TMC7: variants seen among roughly 807,000 people sequenced by gnomAD.
The protein encoded by TMC7 is transmembrane channel-like protein 7.
TMC7 carries 54 observed loss-of-function variants against 82.9 expected under a neutral mutation model. That is an observed-to-expected ratio of 0.65 (90% CI 0.52 to 0.82). The LOEUF (loss-of-function observed/expected upper bound fraction) is 0.82. Among genes scored for constraint, TMC7 ranks in the 40% least tolerant of loss-of-function variants. The probability of loss-of-function intolerance (pLI) is 0.00; values close to 1 mark genes in which losing one functional copy is unlikely to be tolerated. For missense variants in TMC7, 820 were observed against 901.2 expected (o/e 0.91, Z 1.15); for synonymous variants, 350 against 337.9 (o/e 1.04, Z -0.39).
At chr16:19,051,647 C>G (rs200310016) in intron 12 of TMC7, 39 bp from the exon 13 acceptor site, 1 of 1,610,456 alleles carries the variant, frequency 6.2e-7, no homozygotes, top group Non-Finnish European at 8.5e-7. Context: ...AGAAGCTGTA[C>G]TTATTGATCT....
chr16:19,009,107 C>G, intron 1 of TMC7, 65 bp from the exon 2 acceptor site: 1 of 1,562,074 alleles, frequency 6.4e-7, no homozygotes, highest in Non-Finnish European at 8.7e-7. Context: ...TGTCCAAGAT[C>G]CAAGTTTCCT....
At chr16:19,021,879 T>G in intron 4 of TMC7, 83 bp downstream of exon 4, 1 of 1,480,462 alleles carries the variant, frequency 6.8e-7, no homozygotes, top group South Asian at 1.3e-5. Context: ...GCTAAGAATC[T>G]TTATTCTAAT....
At chr16:19,056,478 A>G in intron 13 of TMC7, 64 bp from the exon 14 acceptor site, 1 of 1,549,840 alleles carries the variant, frequency 6.5e-7, no homozygotes, top group Non-Finnish European at 8.7e-7. Context: ...CTGGGTGTAC[A>G]GGGGCGGGAC....
intron 9 of TMC7, among the ~76,000 whole-genome samples, chr16:19,041,572 A>ATG (rs894807036): frequency 7.2e-5 from 11 of 152,066 alleles, no homozygotes; most frequent in African/African-American, 2.7e-4. Context: ...GGGTTTCACC[A>ATG]TGTTGGCCAG....
chr16:19,009,512 T>G, intron 2 of TMC7, 97 bp downstream of exon 2: 2 of 1,445,714 alleles, frequency 1.4e-6, no homozygotes, highest in Non-Finnish European at 1.8e-6. Context: ...CTCATATAAT[T>G]AAAATTTTAT....
In TMC7 at chr16:19,050,154, G is replaced by A. The variant is rs547095214; in HGVS notation, c.1741-1532G>A. 2.6e-5 allele frequency among the ~76,000 whole-genome samples: 4 copies of A among 151,908 alleles called. No individual in the cohort carries two copies. In the East Asian group the frequency reaches 7.8e-4, roughly 30 times the overall value. On this transcript the variant is annotated intron_variant, in intron 12 of 15. Coordinates refer to ENST00000304381, the MANE Select transcript of TMC7 (RefSeq NM_024847.4). ...TGGGAGGCCGAGGCCGGTGGATCAC[G>A]AGGTCAGGAGATCGAGACCATCCTG...
chr16:19,051,922 T>A (rs932002104), intron 13 of TMC7, 106 bp downstream of exon 13: 63 of 1,434,350 alleles, frequency 4.4e-5, no homozygotes, highest in Non-Finnish European at 5.5e-5. Flanking sequence ...TGAGATGGAG[T>A]CTTGCTCTGT....
chr16:18,996,326 T>C (rs768031085), intron 1 of TMC7, among the ~76,000 whole-genome samples: 3 of 152,064 alleles, frequency 2.0e-5, no homozygotes, highest in African/African-American at 7.2e-5. Flanking sequence ...ACAAGTCGCA[T>C]TGGGAGCAGA....
intron 14 of TMC7, among the ~76,000 whole-genome samples, chr16:19,058,001 G>T (rs1246330919): frequency 6.7e-6 from 1 of 149,810 alleles, no homozygotes; most frequent in African/African-American, 2.5e-5. Context: ...GGTGGGTCTT[G>T]AGCTTAAGTG....
At chr16:18,997,106 G>A (rs1337434177) in intron 1 of TMC7, among the ~76,000 whole-genome samples, 2 of 152,248 alleles carry the variant, frequency 1.3e-5, no homozygotes, top group East Asian at 3.8e-4. Flanking sequence ...CTGAGGACCC[G>A]AGGTCATAGG....
intron 1 of TMC7, among the ~76,000 whole-genome samples, chr16:18,992,059 G>A (rs1219088879): frequency 3.9e-5 from 6 of 152,258 alleles, no homozygotes; most frequent in South Asian, 2.1e-4. Context: ...ATAAACATAC[G>A]TGTGCATGTG....
rs1416823407 is a variant in TMC7, at chr16:19,009,202, C to T, written c.98C>T (p.Ser33Phe). The T allele has an allele frequency of 2.5e-6, 4 of 1,614,046 alleles. No individual in the cohort carries two copies. Among genetic ancestry groups the T allele is most frequent in the Non-Finnish European group, 3.4e-6 (4 of 1,180,040 alleles). Residue 33 changes from serine to phenylalanine, a missense_variant, in exon 2 of 16, where the codon TCT becomes TTT. Ser to Phe is a radical substitution (Grantham distance 155). This residue lies in a region of TMC7 where 650 missense variants were observed against 669.9 expected (regional missense o/e 0.97). Coordinates refer to ENST00000304381, the MANE Select transcript of TMC7 (RefSeq NM_024847.4). ...CTCTCTCTAGACTCCAGTTGCTTCT[C>T]TTCTCCACCTGTGAACTTCCTCCAA... ...ENLSLDSSCF[S>F]SPPVNFLQEL...
intron 15 of TMC7, among the ~76,000 whole-genome samples, chr16:19,061,247 A>G (rs1365241302): frequency 2.6e-5 from 4 of 152,170 alleles, no homozygotes; most frequent in Non-Finnish European, 4.4e-5. Context: ...TCCTGACCTC[A>G]GGTGGTCCAC....
At chr16:18,992,433 T>G (rs1183917464) in intron 1 of TMC7, among the ~76,000 whole-genome samples, 2 of 152,252 alleles carry the variant, frequency 1.3e-5, no homozygotes, top group African/African-American at 2.4e-5. Context: ...TGCCCACTTT[T>G]TGATGGGGTT....
chr16:19,042,206 G>T (rs1452904683), intron 9 of TMC7, among the ~76,000 whole-genome samples: 2 of 151,612 alleles, frequency 1.3e-5, no homozygotes, highest in African/African-American at 4.8e-5. Flanking sequence ...TATTTTTTTT[G>T]AGACTGGGTC....
intron 1 of TMC7, among the ~76,000 whole-genome samples, chr16:18,994,986 T>A (rs1463379243): frequency 4.0e-5 from 6 of 151,500 alleles, no homozygotes; most frequent in Non-Finnish European, 8.8e-5. Context: ...TGGATTAAGG[T>A]GGGGAGATAC....
chr16:19,013,260 C>T (rs1959479800), intron 2 of TMC7, among the ~76,000 whole-genome samples: 1 of 151,884 alleles, frequency 6.6e-6, no homozygotes, highest in South Asian at 2.1e-4. Flanking sequence ...CTCTTGTTGC[C>T]CGGGCTGGAG....
At chr16:19,059,316 C>CA (rs1961902399) in intron 14 of TMC7, 100 bp from the exon 15 acceptor site, 1 of 1,533,134 alleles carries the variant, frequency 6.5e-7, no homozygotes, top group African/African-American at 1.4e-5. Flanking sequence ...TCTTTTCTAA[C>CA]AAGAGTAAAA....
intron 11 of TMC7, among the ~76,000 whole-genome samples, chr16:19,045,831 C>T (rs1286193016): frequency 1.3e-5 from 2 of 151,928 alleles, no homozygotes; most frequent in South Asian, 2.1e-4. Flanking sequence ...ATCCTGACCT[C>T]GTGATCCACC....
Sources: gnomAD v4.1 joint callset for allele counts (sites outside exome capture counted in the v4.1 genomes callset) on GRCh38, gnomAD v4.1.1 for gene constraint, gnomAD v4.1.1 regional missense constraint, MANE v1.5 for transcripts, NCBI Gene and HGNC (gene_info 2026-07-23, HGNC 2026-07-21) for gene names.